Variants in CCDC24 observed in about 807,000 individuals in gnomAD.
CCDC24 encodes the protein coiled-coil domain-containing protein 24.
CCDC24 carries 34 observed loss-of-function variants against 31.6 expected under a neutral mutation model. The observed-to-expected ratio is 1.08, with a 90% confidence interval of 0.82 to 1.43. CCDC24 has a LOEUF of 1.43. Ranked by LOEUF, CCDC24 falls within the 40% of genes most tolerant of loss-of-function variation. The probability of loss-of-function intolerance (pLI) is 0.00; values close to 1 mark genes in which losing one functional copy is unlikely to be tolerated. For missense variants in CCDC24, 426 were observed against 391.1 expected, an observed-to-expected ratio of 1.09 and a Z score of -0.75; for synonymous variants, 175 against 157.3, an observed-to-expected ratio of 1.11 and a Z score of -0.84.
Position 43,995,305 on chromosome 1 carries a change from T to A in CCDC24, c.552+143T>A. 1 of 909,398 alleles carries A rather than the reference T, an allele frequency of 1.1e-6. No individual in the cohort carries two copies. The allele number at this position is 909,398 out of a possible 1,614,324, so 56.3% of individuals were successfully genotyped here. Reference sequence around the variant, plus strand: ...GCATCCATTTCTCAGGGGTGCATGCTTGTGTGCACCTGCAAAATCCTGGAG... The same window carrying A: ...GCATCCATTTCTCAGGGGTGCATGCATGTGTGCACCTGCAAAATCCTGGAG... On this transcript the variant is annotated intron_variant, in intron 6 of 8. Coordinates refer to ENST00000372318, the MANE Select transcript of CCDC24 (RefSeq NM_152499.4). The surrounding 1 kb of genome is among the most constrained non-coding windows in gnomAD (Gnocchi z 4.3).
rs1287568571 is a variant in CCDC24 at position 43,991,956 on chromosome 1, G to A, written c.78G>A (p.Arg26=). 1 of 1,533,798 alleles carries A rather than the reference G, an allele frequency of 6.5e-7. No individual in the cohort carries two copies. The highest frequency in any genetic ancestry group is 8.8e-7 in the Non-Finnish European group (1 of 1,135,922). The change falls in exon 2 of 9, where the codon AGG becomes AGA. Residue 26 remains arginine (R), a synonymous_variant. Transcript: ENST00000372318. ...VPLRERREVK[R]ILGEAAVDLS... The stretch of plus-strand genomic sequence containing the variant: ...TCCGGGAGCGACGCGAAGTGAAGAG[G>A]ATTCTGGGGGAGGCGGCGGTGGACC...
rs1283764218 is a variant in CCDC24 at position 43,991,898 on chromosome 1, C to T, written c.20C>T (p.Ser7Leu). Residue 7 changes from serine to leucine, a missense_variant, in exon 2 of 9, where the codon TCG (serine) becomes TTG (leucine). Ser to Leu is a moderately radical substitution (Grantham distance 145). Transcript: ENST00000372318. Reference sequence around the variant, plus strand: ...TGGGTCATGCTCCGGCACTCCCCCTCGCTGTGGGAGCTGGTGGAGGAGCAC... The same window carrying T: ...TGGGTCATGCTCCGGCACTCCCCCTTGCTGTGGGAGCTGGTGGAGGAGCAC... MLRHSP[S>L]LWELVEEHVP... The T allele has an allele frequency of 6.4e-7, 1 of 1,552,268 alleles. No homozygotes were observed. Among genetic ancestry groups the T allele is most frequent in the Non-Finnish European group, 8.7e-7 (1 of 1,147,438 alleles).
At chr1:43,992,736 C>T in intron 4 of CCDC24, 97 bp downstream of exon 4, 1 of 1,124,294 alleles carries the variant, frequency 8.9e-7, no homozygotes, top group Non-Finnish European at 1.3e-6. Flanking sequence ...AGATTCCAGT[C>T]ACGGGCTGGG....
chr1:43,995,843 T>A lies in CCDC24; in HGVS notation c.688T>A (p.Ser230Thr). Residue 230 changes from serine (S) to threonine (T), a missense_variant, in exon 8 of 9, where the codon TCT becomes ACT. Ser to Thr is a moderately conservative substitution (Grantham distance 58, BLOSUM62 1). Coordinates refer to ENST00000372318, the MANE Select transcript of CCDC24 (RefSeq NM_152499.4). This position sits in a 1 kb window ranked among gnomAD's most constrained non-coding sequence, Gnocchi z 4.3. ...LQASVGPSCV[S>T]PNHRQRPLGS... The stretch of plus-strand genomic sequence containing the variant: ...GGCATCTGTGGGGCCTTCTTGTGTC[T>A]CTCCCAACCACAGGTAAACCACAAC... 1 of 1,614,120 alleles carries A rather than the reference T, an allele frequency of 6.2e-7. No individual in the cohort carries two copies. The highest frequency in any genetic ancestry group is 2.2e-5 in the East Asian group (1 of 44,878).
chr1:43,996,174 G>C lies in CCDC24; in HGVS notation c.*14G>C, dbSNP rs763308349. ...GCCCCAGCCTGAAGGGCTGGTCACC[G>C]AGTAGGCTCTGGCTTCTGCCACAGC... On this transcript the variant is annotated 3_prime_UTR_variant, in exon 9 of 9. Coordinates refer to ENST00000372318, the MANE Select transcript of CCDC24 (RefSeq NM_152499.4). 14 of 1,549,876 alleles carry C rather than the reference G, an allele frequency of 9.0e-6. No homozygotes were observed. The highest frequency in any genetic ancestry group is 1.2e-5 in the Non-Finnish European group (14 of 1,147,394).
In CCDC24 at chr1:43,994,953, TG is replaced by T. The variant is rs2154303733; in HGVS notation, c.498-152del. ...CCTCACAGGGGCCAGACGTCTATGC[TG>T]GGTCAGCCCCCAAGCAGCAGAGGGC... is the stretch of plus-strand genomic sequence containing the variant. On this transcript the variant is annotated intron_variant, in intron 5 of 8. Transcript: ENST00000372318. 6.1e-6 allele frequency: 4 copies of T among 658,594 alleles called. No homozygotes were observed. In the Admixed American group the frequency reaches 6.9e-5, roughly 11 times the overall value. 40.8% of individuals were successfully genotyped at this position (658,594 alleles called of 1,614,324 possible). A position where few individuals can be genotyped will look rare whatever the true frequency, so the allele number is the denominator to read the frequency against.
rs1258815875 is a variant in CCDC24 at position 43,992,375 on chromosome 1, T to C, written c.290T>C (p.Ile97Thr). Residue 97 changes from isoleucine (I) to threonine (T), a missense_variant, in exon 3 of 9, where the codon ATC becomes ACC. Ile to Thr is a moderately conservative substitution (Grantham distance 89). Coordinates refer to ENST00000372318, the MANE Select transcript of CCDC24 (RefSeq NM_152499.4). The part of the protein sequence containing the change: ...QLLQGLRHKA[I>T]CEGRDQAQAW... ...CTCCAGGGTCTCCGCCACAAAGCCA[T>C]CTGTGAGGGCAGGTGGGAGCCTCAG... 8.7e-6 allele frequency: 14 copies of C among 1,613,986 alleles called. No homozygotes were observed. The highest frequency in any genetic ancestry group is 1.6e-4 in the Middle Eastern group (1 of 6,080).
chr1:43,995,033 T>C lies in CCDC24; in HGVS notation c.498-75T>C. On this transcript the variant is annotated intron_variant, in intron 5 of 8. Coordinates refer to ENST00000372318, the MANE Select transcript of CCDC24 (RefSeq NM_152499.4). The surrounding 1 kb of genome is among the most constrained non-coding windows in gnomAD (Gnocchi z 4.3). The stretch of plus-strand genomic sequence containing the variant: ...TGGGGCTCCTGCTGAGGCTGGAGGT[T>C]GGGGCCATGTGGTGGACTCAGCTGA... 1 of 1,398,118 alleles carries C rather than the reference T, an allele frequency of 7.2e-7. No individual in the cohort carries two copies. The highest frequency in any genetic ancestry group is 2.5e-4 in the Middle Eastern group (1 of 4,066). 86.6% of individuals were successfully genotyped at this position (1,398,118 alleles called of 1,614,324 possible).
chr1:43,993,853 A>G (rs770574823), intron 4 of CCDC24, 34 bp from the exon 5 acceptor site: 3 of 1,608,792 alleles, frequency 1.9e-6, no homozygotes, highest in Non-Finnish European at 2.6e-6. Context: ...TGGGGTGAGC[A>G]ACATGCGGAG....
In CCDC24 at chr1:43,995,977, C is replaced by G; in HGVS notation, c.741C>G (p.Pro247=). The change falls in exon 9 of 9, where the codon CCC becomes CCG. Residue 247 remains proline, a synonymous_variant. Transcript: ENST00000372318. The surrounding 1 kb of genome is among the most constrained non-coding windows in gnomAD (Gnocchi z 4.3). ...PLGSSTQGLR[P]PLPLCGVAPL... ...GGTCCTCCACACAGGGCCTCAGACC[C>G]CCGCTTCCCCTCTGCGGGGTTGCAC... 1 of 1,614,200 alleles carries G rather than the reference C, an allele frequency of 6.2e-7. No homozygotes were observed. The highest frequency in any genetic ancestry group is 8.5e-7 in the Non-Finnish European group (1 of 1,180,034).
rs769813109 is a variant in CCDC24, at chr1:43,996,115, A to G, written c.879A>G (p.Pro293=). The G allele has an allele frequency of 2.5e-6, 4 of 1,612,942 alleles. No homozygotes were observed. The Admixed American group carries it at 6.7e-5, about 27-fold the overall frequency. Residue 293 remains proline (P), a synonymous_variant, in exon 9 of 9, where the codon CCA becomes CCG. Transcript: ENST00000372318. ...RQLQCSPREG[P]ASTPMSSAAP... is the part of the protein sequence containing the mutation. ...TTCAGTGCAGCCCCAGGGAAGGGCC[A>G]GCTTCCACACCCATGTCCAGTGCAG...
chr1:43,994,273 C>T (rs2085791531), intron 5 of CCDC24: 1 of 370,172 alleles, frequency 2.7e-6, no homozygotes, highest in South Asian at 3.4e-5. Flanking sequence ...TGGGAAAACC[C>T]CATCTCTACC....
Position 43,992,358 on chromosome 1 carries a change from T to A in CCDC24, c.273T>A (p.Gly91=). 4 of 1,614,038 alleles carry A rather than the reference T, an allele frequency of 2.5e-6. No individual in the cohort carries two copies. Among genetic ancestry groups the A allele is most frequent in the Non-Finnish European group, 3.4e-6 (4 of 1,179,998 alleles). ...LRQELRQLLQ[G]LRHKAICEGR... is the part of the protein sequence containing the mutation. ...AGGAGCTCCGGCAGTTGCTCCAGGG[T>A]CTCCGCCACAAAGCCATCTGTGAGG... The change falls in exon 3 of 9, where the codon GGT becomes GGA. Residue 91 remains glycine, a synonymous_variant. Coordinates refer to ENST00000372318, the MANE Select transcript of CCDC24 (RefSeq NM_152499.4).
At chr1:43,994,939 C>A (rs2085807294) in intron 5 of CCDC24, 169 bp from the exon 6 acceptor site, 2 of 623,412 alleles carry the variant, frequency 3.2e-6, no homozygotes, top group South Asian at 3.7e-5. Context: ...CTCACAGGGG[C>A]CAGACGTCTA....
At position 43,995,668 on chromosome 1, in the gene CCDC24, C is replaced by T. The variant is rs1469916724; in HGVS notation, c.620C>T (p.Ala207Val). The T allele has an allele frequency of 5.6e-6, 9 of 1,613,594 alleles. No homozygotes were observed. The highest frequency in any genetic ancestry group is 1.7e-5 in the Admixed American group (1 of 59,942). The change falls in exon 7 of 9, where the codon GCA becomes GTA. Residue 207 changes from alanine (A) to valine (V), a missense_variant and splice_region_variant. Transcript: ENST00000372318. This position sits in a 1 kb window ranked among gnomAD's most constrained non-coding sequence, Gnocchi z 4.3. ...PSEAALEPTLAELKEQKKAME... is the reference protein window; with the variant it reads ...PSEAALEPTLVELKEQKKAME... ...GAGGCAGCCCTGGAGCCCACCCTGGCAGGTGAGGACACGGAGCAGGGCCCA... is the reference window on the plus strand; with the variant it reads ...GAGGCAGCCCTGGAGCCCACCCTGGTAGGTGAGGACACGGAGCAGGGCCCA...
chr1:43,995,254 G>A lies in CCDC24; in HGVS notation c.552+92G>A. The A allele has an allele frequency of 7.9e-7, 1 of 1,273,480 alleles. No individual in the cohort carries two copies. The allele number at this position is 1,273,480 out of a possible 1,614,324, so 78.9% of individuals were successfully genotyped here. A position where few individuals can be genotyped will look rare whatever the true frequency, so the allele number is the denominator to read the frequency against. The stretch of plus-strand genomic sequence containing the variant: ...CCCATGTACCTGTGTGCATACATAG[G>A]TGCATGTACAGGCTATGTGAGTCCT... On this transcript the variant is annotated intron_variant, in intron 6 of 8. Transcript: ENST00000372318. The surrounding 1 kb of genome is among the most constrained non-coding windows in gnomAD (Gnocchi z 4.3).
In CCDC24 at chr1:43,993,921, C is replaced by T; in HGVS notation, c.454C>T (p.Gln152Ter). 6.2e-7 allele frequency: 1 copy of T among 1,614,180 alleles called. No homozygotes were observed. The highest frequency in any genetic ancestry group is 8.5e-7 in the Non-Finnish European group (1 of 1,180,028). Residue 152 changes from glutamine to a stop codon, truncating the protein, a stop_gained, in exon 5 of 9, where the codon CAA (glutamine) becomes TAA (stop). Coordinates refer to ENST00000372318, the MANE Select transcript of CCDC24 (RefSeq NM_152499.4). LOFTEE classifies it high-confidence loss of function. ...CAGAGATCTCAGCATCATCAAGGAC[C>T]AACTGAACGTGTCCAACATTGACCA... ...GHRDLSIIKD[Q>*]LNVSNIDQVA... is the part of the protein sequence containing the mutation.
At chr1:43,994,996 G>A (rs1160725957) in intron 5 of CCDC24, 112 bp from the exon 6 acceptor site, 1 of 925,144 alleles carries the variant, frequency 1.1e-6, no homozygotes, top group Non-Finnish European at 1.7e-6. Context: ...GGCTGAGGAA[G>A]GACAGGTTGG....
Position 43,995,219 on chromosome 1 carries a change from C to A in CCDC24, c.552+57C>A. On this transcript the variant is annotated intron_variant, in intron 6 of 8. Coordinates refer to ENST00000372318, the MANE Select transcript of CCDC24 (RefSeq NM_152499.4). This position sits in a 1 kb window ranked among gnomAD's most constrained non-coding sequence, Gnocchi z 4.3. The stretch of plus-strand genomic sequence containing the variant: ...CTCACTGCTGAGCGTAGACTCTCAC[C>A]TGGGTGAGACCCATGTACCTGTGTG... The A allele has an allele frequency of 1.3e-6, 2 of 1,500,370 alleles. No homozygotes were observed. Among genetic ancestry groups the A allele is most frequent in the Non-Finnish European group, 1.8e-6 (2 of 1,107,502 alleles). 92.9% of individuals were successfully genotyped at this position (1,500,370 alleles called of 1,614,324 possible).
Sources: allele counts gnomAD v4.1 joint callset, GRCh38; gene constraint gnomAD v4.1.1; non-coding constraint Gnocchi (gnomAD v3.1); transcripts MANE v1.5; gene names NCBI Gene and HGNC (gene_info 2026-07-23, HGNC 2026-07-21).